Variants in POT1 observed in about 807,000 individuals in gnomAD.
POT1 encodes protection of telomeres protein 1.
In POT1, 47 loss-of-function variants were observed where a neutral mutation model predicts 78.5. The ratio of observed to expected loss-of-function variants is 0.60; its 90% CI spans 0.47 to 0.76. The LOEUF is 0.76. POT1 is among the 30% of genes least tolerant of loss of function. POT1 has a pLI of 0.00. For missense variants in POT1, 646 were observed against 749.9 expected (o/e 0.86, Z 1.62); for synonymous variants, 259 against 260.7 (o/e 0.99, Z 0.06).
intron 16 of POT1, 83 bp from the exon 17 acceptor site, chr7:124,827,388 A>G (rs1429465997): frequency 1.5e-6 from 1 of 651,114 alleles, no homozygotes; most frequent in Non-Finnish European, 2.4e-6. Flanking sequence ...TTATGATAGT[A>G]TAGACCTGTA....
chr7:124,892,466 T>G (rs925714939), intron 5 of POT1, 86 bp from the exon 6 acceptor site: 10 of 670,156 alleles, frequency 1.5e-5, no homozygotes, highest in Non-Finnish European at 2.3e-5. Context: ...AGCAAATCCA[T>G]GTAACTATTT....
chr7:124,892,953 TA>T (rs1222763185), intron 5 of POT1: 1 of 151,486 alleles, frequency 6.6e-6, no homozygotes, highest in Non-Finnish European at 1.5e-5. Flanking sequence ...TGACTAGGCA[TA>T]AAGAGATATT....
intron 5 of POT1, among the ~76,000 whole-genome samples, chr7:124,896,358 T>G (rs1205946526): frequency 6.6e-6 from 1 of 151,762 alleles, no homozygotes. Context: ...AAACAATTTA[T>G]AACAATTTTG....
chr7:124,911,358 C>G (rs1236811931), intron 3 of POT1, among the ~76,000 whole-genome samples: 1 of 152,066 alleles, frequency 6.6e-6, no homozygotes, highest in Non-Finnish European at 1.5e-5. Context: ...ACGCTTTTTT[C>G]TGTTTTATTT....
At chr7:124,843,303 C>A (rs1795076466) in intron 12 of POT1, 1 of 166,994 alleles carries the variant, frequency 6.0e-6, no homozygotes, top group African/African-American at 2.4e-5. Context: ...TAACTGGTGT[C>A]TGCCACAAAA....
chr7:124,867,643 T>C (rs970282816), intron 7 of POT1, among the ~76,000 whole-genome samples: 1 of 151,928 alleles, frequency 6.6e-6, no homozygotes, highest in African/African-American at 2.4e-5. Context: ...TTTTTATTTA[T>C]TTATTTATTT....
chr7:124,851,936 T>C lies in POT1; in HGVS notation c.885A>G (p.Ala295=), dbSNP rs1584764945. 1 of 1,609,120 alleles carries C rather than the reference T, an allele frequency of 6.2e-7. No individual in the cohort carries two copies. Among genetic ancestry groups the C allele is most frequent in the East Asian group, 2.2e-5 (1 of 44,710 alleles). ...VDQLKKDLES[A]NLTANQHSDV... The stretch of plus-strand genomic sequence containing the variant: ...CTGAATGCTGATTGGCTGTCAAATT[T>C]GCAGATTCTAAATCCCTATAATTGA... Residue 295 remains alanine, a synonymous_variant, in exon 11 of 19, where the codon GCA becomes GCG. Transcript: ENST00000357628.
rs149530558 is a variant in POT1, at chr7:124,858,172, T to G, written c.702+785A>C. Among the ~76,000 whole-genome samples, 678 of 152,326 alleles carry G rather than the reference T, an allele frequency of 4.5e-3. 2 individuals carry two copies. Among genetic ancestry groups the G allele is most frequent in the Non-Finnish European group, 7.6e-3 (516 of 68,030 alleles). ...CTTCAATCCAACTAGCTGTGGAATC[T>G]TGAACCACTGATTTAACCTGAGTGC... On this transcript the variant is annotated intron_variant, in intron 9 of 18. Transcript: ENST00000357628.
chr7:124,834,621 C>T (rs1355853749), intron 15 of POT1, among the ~76,000 whole-genome samples: 1 of 151,546 alleles, frequency 6.6e-6, no homozygotes, highest in Non-Finnish European at 1.5e-5. Context: ...TGTGGAGAAA[C>T]AGGAATGCTT....
In POT1 at chr7:124,867,657, A is replaced by T. The variant is rs559822624; in HGVS notation, c.255+3254T>A. On this transcript the variant is annotated intron_variant, in intron 7 of 18. Coordinates refer to ENST00000357628, the MANE Select transcript of POT1 (RefSeq NM_015450.3). ...ATTTTTATTTATTTATTTATTTATT[A>T]TTTTTTTTGGATGGAGTCGTGCTCT... 1.1e-3 allele frequency among the ~76,000 whole-genome samples: 172 copies of T among 149,686 alleles called. No individual in the cohort carries two copies. In the South Asian group the frequency reaches 0.021, roughly 19 times the overall value.
chr7:124,899,699 G>A lies in POT1; in HGVS notation c.-153-1325C>T, dbSNP rs146225809. Among the ~76,000 whole-genome samples the A allele has an allele frequency of 2.5e-3, 378 of 151,874 alleles. 1 individual carries two copies. The highest frequency in any genetic ancestry group is 8.9e-3 in the African/African-American group (369 of 41,392). On this transcript the variant is annotated intron_variant, in intron 3 of 18. Transcript: ENST00000357628. The stretch of plus-strand genomic sequence containing the variant: ...AACTAACACCGGAAGATAAACAGAA[G>A]TAGGGAAGCCAACAGTTTATCAGTT...
Position 124,900,859 on chromosome 7 carries a change from C to A in POT1, c.-153-2485G>T, listed in dbSNP as rs113482807. On this transcript the variant is annotated intron_variant, in intron 3 of 18. Transcript: ENST00000357628. Reference sequence around the variant, plus strand: ...CACACCAGGAGATTATATCCCATGCCTGGCTCATCAGGTCCCATGCCCACA... The same window carrying A: ...CACACCAGGAGATTATATCCCATGCATGGCTCATCAGGTCCCATGCCCACA... 2,559 of 381,420 alleles carry A rather than the reference C, an allele frequency of 6.7e-3. 64 individuals carry two copies. The highest frequency in any genetic ancestry group is 0.046 in the African/African-American group (2,229 of 48,086). The allele number at this position is 381,420 out of a possible 1,614,324, so 23.6% of individuals were successfully genotyped here.
chr7:124,883,749 T>C (rs1436560046), intron 6 of POT1, among the ~76,000 whole-genome samples: 1 of 152,022 alleles, frequency 6.6e-6, no homozygotes, highest in Non-Finnish European at 1.5e-5. Context: ...CTATAACTTG[T>C]CATCACATGT....
At chr7:124,876,601 C>A (rs530087707) in intron 6 of POT1, among the ~76,000 whole-genome samples, 4 of 152,112 alleles carry the variant, frequency 2.6e-5, no homozygotes, top group Non-Finnish European at 5.9e-5. Context: ...TCCTCACTTA[C>A]GCAATTTGGT....
chr7:124,878,667 T>C (rs1476888943), intron 6 of POT1, among the ~76,000 whole-genome samples: 1 of 152,156 alleles, frequency 6.6e-6, no homozygotes, highest in African/African-American at 2.4e-5. Context: ...TACATATTTA[T>C]ATAAACTTAA....
Position 124,883,365 on chromosome 7 carries a change from T to A in POT1, c.124+8901A>T, listed in dbSNP as rs1219106242. 2.6e-5 allele frequency among the ~76,000 whole-genome samples: 4 copies of A among 152,226 alleles called. No homozygotes were observed. The East Asian group carries it at 5.8e-4, about 22-fold the overall frequency. ...TTTATGTAACTAATAGTTATAGTAA[T>A]TGTATTGTAATTATTCATTAATTTA... On this transcript the variant is annotated intron_variant, in intron 6 of 18. Coordinates refer to ENST00000357628, the MANE Select transcript of POT1 (RefSeq NM_015450.3).
chr7:124,896,699 G>A (rs1796500032), intron 5 of POT1, among the ~76,000 whole-genome samples: 1 of 151,678 alleles, frequency 6.6e-6, no homozygotes, highest in African/African-American at 2.4e-5. Context: ...CTATATCTAT[G>A]CTATAAAATA....
chr7:124,927,938 T>C (rs1362361899), intron 2 of POT1, among the ~76,000 whole-genome samples: 1 of 152,174 alleles, frequency 6.6e-6, no homozygotes, highest in Non-Finnish European at 1.5e-5. Flanking sequence ...AAATCATCTA[T>C]ATTCAAATTC....
chr7:124,825,443 C>A, intron 17 of POT1, 86 bp from the exon 18 acceptor site: 2 of 793,600 alleles, frequency 2.5e-6, no homozygotes, highest in Non-Finnish European at 3.8e-6. Flanking sequence ...CAATATTGTC[C>A]AATTAAAAGA....
Sources: gnomAD v4.1 joint callset for allele counts (sites outside exome capture counted in the v4.1 genomes callset) on GRCh38, gnomAD v4.1.1 for gene constraint, MANE v1.5 for transcripts, NCBI Gene and HGNC (gene_info 2026-07-23, HGNC 2026-07-21) for gene names.